Variants in ZNF251 observed in about 807,000 individuals in gnomAD.
ZNF251 encodes the protein zinc finger protein 251.
In ZNF251, 14 loss-of-function variants were observed where a neutral mutation model predicts 13.5. The observed-to-expected ratio is 1.04, with a 90% CI of 0.69 to 1.63. The LOEUF is 1.63. Among genes scored for constraint, ZNF251 ranks in the 40% most tolerant of loss-of-function variants. The pLI, the probability that ZNF251 is intolerant of heterozygous loss-of-function variation, is 0.00. For synonymous variants in ZNF251, 287 were observed against 295.2 expected (o/e 0.97, Z 0.28); for missense variants, 764 against 834.9 (o/e 0.92, Z 1.05).
chr8:144,725,077 G>A (rs1285622942), intron 4 of ZNF251, among the ~76,000 whole-genome samples: 8 of 151,838 alleles, frequency 5.3e-5, no homozygotes, highest in South Asian at 4.2e-4. Context: ...GCAATGGCAC[G>A]ATCTCGGCTC....
rs557368458 is a variant in ZNF251 at position 144,738,647 on chromosome 8, C to T, written c.277+15036G>A. On this transcript the variant is annotated intron_variant, in intron 4 of 4. Coordinates refer to ENST00000292562, the MANE Select transcript of ZNF251 (RefSeq NM_138367.2). ...ACTGCCTTCTGCCCATAGATTTAGA[C>T]TCAGTCAGGCAAGTGGAAACAGCAC... The T allele has an allele frequency of 1.8e-5, 18 of 985,450 alleles. No homozygotes were observed. In the South Asian group the frequency reaches 5.6e-4, roughly 31 times the overall value. 61.0% of individuals were successfully genotyped at this position (985,450 alleles called of 1,614,324 possible).
chr8:144,742,939 T>A (rs777656906), intron 4 of ZNF251, among the ~76,000 whole-genome samples: 1 of 152,238 alleles, frequency 6.6e-6, no homozygotes, highest in African/African-American at 2.4e-5. Flanking sequence ...TAAGTGGACC[T>A]GGGAAGTTCA....
rs145199241 is a variant in ZNF251, at chr8:144,741,130, G to A, written c.277+12553C>T. On this transcript the variant is annotated intron_variant, in intron 4 of 4. Coordinates refer to ENST00000292562, the MANE Select transcript of ZNF251 (RefSeq NM_138367.2). ...GAAAAGCAGCATCGCAAACGCAGACGGGCCCGAGGTGGATCTCAAAAGTGT... is the reference window on the plus strand; with the variant it reads ...GAAAAGCAGCATCGCAAACGCAGACAGGCCCGAGGTGGATCTCAAAAGTGT... Among the ~76,000 whole-genome samples, 824 of 152,294 alleles carry A rather than the reference G, an allele frequency of 5.4e-3. 5 individuals carry two copies. Among genetic ancestry groups the A allele is most frequent in the Non-Finnish European group, 9.5e-3 (647 of 68,014 alleles).
Position 144,747,591 on chromosome 8 carries a change from T to C in ZNF251, c.277+6092A>G, listed in dbSNP as rs146242263. Among the ~76,000 whole-genome samples, 895 of 152,356 alleles carry C rather than the reference T, an allele frequency of 5.9e-3. 3 individuals are homozygous for C. Among genetic ancestry groups the C allele is most frequent in the Middle Eastern group, 0.014 (4 of 294 alleles). On this transcript the variant is annotated intron_variant, in intron 4 of 4. Transcript: ENST00000292562. ...TCATCTATTTCCCCTTGTAGTTCTA[T>C]CAGTTTTCGCATCACATATTTTGTT...
chr8:144,727,946 G>A (rs940166159), intron 4 of ZNF251, among the ~76,000 whole-genome samples: 1 of 152,172 alleles, frequency 6.6e-6, no homozygotes, highest in Non-Finnish European at 1.5e-5. Context: ...CTGAGAAGCT[G>A]GGACTACAGG....
chr8:144,752,528 T>C (rs915244813), intron 4 of ZNF251, among the ~76,000 whole-genome samples: 8 of 152,244 alleles, frequency 5.3e-5, no homozygotes, highest in Admixed American at 4.6e-4. Context: ...TTTTGTGAGA[T>C]GCAACTTAAG....
At chr8:144,747,331 T>C (rs1824475644) in intron 4 of ZNF251, among the ~76,000 whole-genome samples, 1 of 152,094 alleles carries the variant, frequency 6.6e-6, no homozygotes, top group East Asian at 1.9e-4. Context: ...ATTCTATGTT[T>C]TCTATTCTTC....
At position 144,721,651 on chromosome 8, in the gene ZNF251, T is replaced by C; in HGVS notation, c.2009A>G (p.His670Arg). 6 of 1,342,544 alleles carry C rather than the reference T, an allele frequency of 4.5e-6. No homozygotes were observed. The highest frequency in any genetic ancestry group is 5.8e-6 in the Non-Finnish European group (6 of 1,037,150). The allele number at this position is 1,342,544 out of a possible 1,614,324, so 83.2% of individuals were successfully genotyped here. ...TCTTCTGCATTTATCACATTAAAAA[T>C]GTCTTTCTTGGAAAATCTTCTTGAT... is the stretch of plus-strand genomic sequence containing the variant. ...IHIKKIFQER[H>R]F The change falls in exon 5 of 5, where the codon CAT becomes CGT. Residue 670 changes from histidine (H) to arginine (R), a missense_variant. Transcript: ENST00000292562.
chr8:144,726,696 C>T (rs1823527579), intron 4 of ZNF251, among the ~76,000 whole-genome samples: 1 of 151,700 alleles, frequency 6.6e-6, no homozygotes, highest in Admixed American at 6.6e-5. Flanking sequence ...CGGTGAAACA[C>T]CGTCTCTACT....
intron 4 of ZNF251, among the ~76,000 whole-genome samples, chr8:144,750,597 C>T (rs185175279): frequency 1.3e-5 from 2 of 152,192 alleles, no homozygotes; most frequent in African/African-American, 4.8e-5. Flanking sequence ...GCCAGAAGCA[C>T]AAGGAGATTT....
At chr8:144,726,194 C>CAAAA (rs35542133) in intron 4 of ZNF251, among the ~76,000 whole-genome samples, 167 of 52,066 alleles carry the variant, frequency 3.2e-3, no homozygotes, top group East Asian at 4.2e-3. Flanking sequence ...GACTCTGTCT[C>CAAAA]AAAAAAAAAA....
intron 4 of ZNF251, among the ~76,000 whole-genome samples, chr8:144,744,622 G>T (rs146728310): frequency 6.6e-5 from 10 of 152,158 alleles, no homozygotes; most frequent in Non-Finnish European, 8.8e-5. Context: ...TATAAGAAGA[G>T]ATACCAGAGA....
intron 4 of ZNF251, among the ~76,000 whole-genome samples, chr8:144,748,683 CTT>C (rs1438854891): frequency 6.6e-6 from 1 of 152,144 alleles, no homozygotes; most frequent in Non-Finnish European, 1.5e-5. Context: ...ACATCAGCCT[CTT>C]GAGTAGCTGA....
At position 144,721,419 on chromosome 8, in the gene ZNF251, C is replaced by T. The variant is rs111626627; in HGVS notation, c.*225G>A. The T allele has an allele frequency of 8.4e-3, 3,724 of 443,540 alleles. 117 individuals are homozygous for T. The highest frequency in any genetic ancestry group is 0.07 in the African/African-American group (3,470 of 49,598). The allele number at this position is 443,540 out of a possible 1,614,324, so 27.5% of individuals were successfully genotyped here. A position where few individuals can be genotyped will look rare whatever the true frequency, so the allele number is the denominator to read the frequency against. On this transcript the variant is annotated 3_prime_UTR_variant, in exon 5 of 5. Coordinates refer to ENST00000292562, the MANE Select transcript of ZNF251 (RefSeq NM_138367.2). Reference sequence around the variant, plus strand: ...ATGAGTATCCGGATACAGCACCACACGGTTCAACTCCTGAGCACAGCAGTA... The same window carrying T: ...ATGAGTATCCGGATACAGCACCACATGGTTCAACTCCTGAGCACAGCAGTA...
Position 144,723,313 on chromosome 8 carries a change from G to C in ZNF251, c.347C>G (p.Pro116Arg), listed in dbSNP as rs534759151. The change falls in exon 5 of 5, where the codon CCA becomes CGA. Residue 116 changes from proline to arginine, a missense_variant. By Grantham distance (103) the Pro-to-Arg change is moderately radical (BLOSUM62 -2). Coordinates refer to ENST00000292562, the MANE Select transcript of ZNF251 (RefSeq NM_138367.2). ...TAAGAGTCTTCTTGATACAAATTCT[G>C]GGGTTTTTACTTCTTCGGAAAATTT... Reference protein sequence around the residue: ...NQKFSEEVKTPEFVSRRLLRD... With the variant: ...NQKFSEEVKTREFVSRRLLRD... The C allele has an allele frequency of 6.4e-7, 1 of 1,556,290 alleles. No individual in the cohort carries two copies. The highest frequency in any genetic ancestry group is 1.2e-5 in the South Asian group (1 of 82,844).
intron 4 of ZNF251, chr8:144,730,000 G>A (rs1823645949): frequency 2.0e-6 from 2 of 978,774 alleles, no homozygotes; most frequent in Non-Finnish European, 2.4e-6. Context: ...CAGGGCTGGC[G>A]TTGTTCCCAG....
chr8:144,735,324 T>C (rs1823846328), intron 4 of ZNF251, among the ~76,000 whole-genome samples: 1 of 148,180 alleles, frequency 6.7e-6, no homozygotes. Context: ...GAGGCAGAGG[T>C]TGCAGTGAGC....
chr8:144,748,933 A>C (rs757961373), intron 4 of ZNF251, among the ~76,000 whole-genome samples: 17 of 152,198 alleles, frequency 1.1e-4, no homozygotes, highest in Non-Finnish European at 2.2e-4. Flanking sequence ...TAGGAGGCCA[A>C]AGCAGGAGGA....
intron 4 of ZNF251, among the ~76,000 whole-genome samples, chr8:144,729,746 C>T (rs993875777): frequency 3.9e-5 from 6 of 152,144 alleles, no homozygotes; most frequent in African/African-American, 7.2e-5. Flanking sequence ...CTGTGATCCC[C>T]GCACTTTGGG....
Sources: allele counts gnomAD v4.1 joint callset (sites outside exome capture counted in the v4.1 genomes callset), GRCh38; gene constraint gnomAD v4.1.1; transcripts MANE v1.5; gene names NCBI Gene and HGNC (gene_info 2026-07-23, HGNC 2026-07-21).